MUSK: variants seen among roughly 807,000 people sequenced by gnomAD.
The protein encoded by MUSK is muscle associated receptor tyrosine kinase.
MUSK carries 55 observed loss-of-function variants against 88.7 expected under a neutral mutation model. The ratio of observed to expected loss-of-function variants is 0.62; its 90% CI spans 0.50 to 0.78. The LOEUF (loss-of-function observed/expected upper bound fraction) is 0.78, where lower values mean the gene tolerates loss of function less well. Among genes scored for constraint, MUSK ranks in the 30% least tolerant of loss-of-function variants. The pLI, the probability that MUSK is intolerant of heterozygous loss-of-function variation, is 0.00. For missense variants in MUSK, 1,015 were observed against 1,074.3 expected, an observed-to-expected ratio of 0.94 and a Z score of 0.77; for synonymous variants, 387 against 391.9, an observed-to-expected ratio of 0.99 and a Z score of 0.15.
intron 11 of MUSK, among the ~76,000 whole-genome samples, chr9:110,783,144 T>A (rs2077790591): frequency 6.6e-6 from 1 of 152,252 alleles, no homozygotes; most frequent in South Asian, 2.1e-4. Flanking sequence ...ATATGTCCCC[T>A]TCTATTAAAT....
At chr9:110,797,126 A>AC (rs1554756596) in intron 14 of MUSK, among the ~76,000 whole-genome samples, 1 of 36,730 alleles carries the variant, frequency 2.7e-5, no homozygotes, top group East Asian at 4.2e-4. Context: ...CAAAAAAATA[A>AC]AAAAATAAAA....
chr9:110,714,582 A>G (rs12344208), intron 5 of MUSK, among the ~76,000 whole-genome samples: 7,639 of 152,278 alleles, frequency 0.05, 461 homozygotes, highest in African/African-American at 0.14. Flanking sequence ...GCAGTACACC[A>G]GGATCGGGTT....
intron 5 of MUSK, among the ~76,000 whole-genome samples, chr9:110,718,807 G>T (rs2076776285): frequency 6.6e-6 from 1 of 152,012 alleles, no homozygotes; most frequent in Non-Finnish European, 1.5e-5. Flanking sequence ...TCAAGACAAA[G>T]AAAAGAATCT....
At position 110,800,467 on chromosome 9, in the gene MUSK, C is replaced by G. The variant is rs754779029; in HGVS notation, c.2089C>G (p.Leu697Val). 3.7e-6 allele frequency: 6 copies of G among 1,613,832 alleles called. No homozygotes were observed. The highest frequency in any genetic ancestry group is 4.2e-6 in the Non-Finnish European group (5 of 1,179,896). ...GGTCTCCAGCCCTGGGCCCCCACCC[C>G]TCTCCTGTGCTGAGCAGCTTTGCAT... ...AQVSSPGPPP[L>V]SCAEQLCIAR... is the part of the protein sequence containing the mutation. Residue 697 changes from leucine to valine, a missense_variant, in exon 15 of 15, where the codon CTC becomes GTC. Physicochemically the swap from Leu to Val is conservative, Grantham distance 32 (BLOSUM62 1). Coordinates refer to ENST00000374448, the MANE Select transcript of MUSK (RefSeq NM_005592.4).
At chr9:110,671,993 T>G (rs184795612) in intron 1 of MUSK, among the ~76,000 whole-genome samples, 1 of 152,312 alleles carries the variant, frequency 6.6e-6, no homozygotes, top group African/African-American at 2.4e-5. Flanking sequence ...TGTATGTATA[T>G]AAGGATAGGA....
At chr9:110,671,115 G>C (rs1188237753) in intron 1 of MUSK, among the ~76,000 whole-genome samples, 1 of 152,078 alleles carries the variant, frequency 6.6e-6, no homozygotes, top group African/African-American at 2.4e-5. Context: ...GGGACTACAG[G>C]TGCAAGCCAC....
intron 7 of MUSK, among the ~76,000 whole-genome samples, chr9:110,751,738 C>A (rs2131889294): frequency 6.6e-6 from 1 of 152,136 alleles, no homozygotes. Flanking sequence ...ACCCAAGGAA[C>A]TTGGGTAGAG....
intron 6 of MUSK, among the ~76,000 whole-genome samples, chr9:110,745,802 A>G (rs1318056956): frequency 6.6e-6 from 1 of 152,226 alleles, no homozygotes; most frequent in Non-Finnish European, 1.5e-5. Context: ...AGTGAAGGTA[A>G]ATTGATACTC....
intron 7 of MUSK, among the ~76,000 whole-genome samples, chr9:110,756,605 G>A (rs890677625): frequency 5.9e-5 from 9 of 151,600 alleles, no homozygotes; most frequent in African/African-American, 1.9e-4. Context: ...TAATTCTTAG[G>A]CAGTTGAAAA....
rs1427054589 is a variant in MUSK, at chr9:110,800,841, C to T, written c.2463C>T (p.Leu821=). ...ACTACGTGCGAGATGGCAACATCCT[C>T]TCCTGCCCTGAGAACTGCCCCGTGG... The part of the protein sequence containing the change: ...VIYYVRDGNI[L]SCPENCPVEL... Residue 821 remains leucine (L), a synonymous_variant, in exon 15 of 15, where the codon CTC becomes CTT. Coordinates refer to ENST00000374448, the MANE Select transcript of MUSK (RefSeq NM_005592.4). 2 of 1,610,278 alleles carry T rather than the reference C, an allele frequency of 1.2e-6. No individual in the cohort carries two copies. The highest frequency in any genetic ancestry group is 1.7e-6 in the Non-Finnish European group (2 of 1,177,272).
At chr9:110,745,525 G>T (rs748505730) in intron 6 of MUSK, among the ~76,000 whole-genome samples, 7 of 152,142 alleles carry the variant, frequency 4.6e-5, no homozygotes, top group African/African-American at 7.2e-5. Flanking sequence ...GAGGCTTGGG[G>T]TCTTTAGCTT....
intron 7 of MUSK, chr9:110,761,829 C>A (rs2077406354): frequency 4.7e-6 from 3 of 632,588 alleles, no homozygotes; most frequent in Non-Finnish European, 5.9e-6. Context: ...CCACCTCGGC[C>A]TTCCAAAGTG....
At chr9:110,755,990 A>ATATACATATATC (rs2077319135) in intron 7 of MUSK, among the ~76,000 whole-genome samples, 1 of 143,216 alleles carries the variant, frequency 7.0e-6, no homozygotes. Flanking sequence ...ATATATATAT[A>ATATACATATATC]TATATATGAA....
intron 6 of MUSK, among the ~76,000 whole-genome samples, chr9:110,739,304 T>A (rs991635123): frequency 6.6e-6 from 1 of 152,154 alleles, no homozygotes; most frequent in Non-Finnish European, 1.5e-5. Context: ...CTAGTGAAGT[T>A]GCATGGACAG....
chr9:110,798,301 C>T, intron 14 of MUSK, among the ~76,000 whole-genome samples: 1 of 152,116 alleles, frequency 6.6e-6, no homozygotes, highest in Non-Finnish European at 1.5e-5. Flanking sequence ...ATGTTCGTAT[C>T]TTAAAAATTG....
intron 2 of MUSK, among the ~76,000 whole-genome samples, chr9:110,683,107 C>G (rs906040640): frequency 1.3e-5 from 2 of 151,894 alleles, no homozygotes; most frequent in Non-Finnish European, 2.9e-5. Context: ...CACTAAACAT[C>G]CCCTACTCCC....
chr9:110,719,143 T>C (rs1489568907), intron 5 of MUSK, among the ~76,000 whole-genome samples: 2 of 151,990 alleles, frequency 1.3e-5, no homozygotes, highest in Non-Finnish European at 2.9e-5. Flanking sequence ...TCACAGGACC[T>C]ATATAACAGT....
In MUSK at chr9:110,800,333, G is replaced by T. The variant is rs2078072416; in HGVS notation, c.1955G>T (p.Cys652Phe). The T allele has an allele frequency of 6.2e-7, 1 of 1,612,064 alleles. No individual in the cohort carries two copies. The highest frequency in any genetic ancestry group is 1.7e-5 in the Admixed American group (1 of 59,924). Residue 652 changes from cysteine (C) to phenylalanine (F), a missense_variant, in exon 15 of 15, where the codon TGC (cysteine) becomes TTC (phenylalanine). Coordinates refer to ENST00000374448, the MANE Select transcript of MUSK (RefSeq NM_005592.4). ...LGVCAVGKPM[C>F]LLFEYMAYGD... Reference sequence around the variant, plus strand: ...GTGTGTGCTGTCGGGAAGCCAATGTGCCTGCTCTTTGAATACATGGCCTAT... The same window carrying T: ...GTGTGTGCTGTCGGGAAGCCAATGTTCCTGCTCTTTGAATACATGGCCTAT...
chr9:110,746,238 G>A (rs554687139), intron 6 of MUSK, among the ~76,000 whole-genome samples: 1 of 152,248 alleles, frequency 6.6e-6, no homozygotes, highest in East Asian at 1.9e-4. Context: ...GATATAAGCA[G>A]CGTTAATTAA....
Sources: gnomAD v4.1 joint callset for allele counts (sites outside exome capture counted in the v4.1 genomes callset) on GRCh38, gnomAD v4.1.1 for gene constraint, MANE v1.5 for transcripts, NCBI Gene and HGNC (gene_info 2026-07-23, HGNC 2026-07-21) for gene names.